PTPRG: variants seen among roughly 807,000 people sequenced by gnomAD.
PTPRG encodes receptor-type tyrosine-protein phosphatase gamma.
PTPRG carries 102 observed loss-of-function variants against 165.3 expected under a neutral mutation model. That is an observed-to-expected ratio of 0.62 (90% CI 0.53 to 0.73). The LOEUF (loss-of-function observed/expected upper bound fraction) is 0.73. Ranked by LOEUF, PTPRG falls within the 30% of genes least tolerant of loss-of-function variation. The pLI is 0.00. For missense variants in PTPRG, 1,866 were observed against 1,861.4 expected, an observed-to-expected ratio of 1.00 and a Z score of -0.05; for synonymous variants, 675 against 669.5, an observed-to-expected ratio of 1.01 and a Z score of -0.13.
intron 2 of PTPRG, among the ~76,000 whole-genome samples, chr3:61,918,070 A>G (rs1444880056): frequency 6.6e-6 from 1 of 152,210 alleles, no homozygotes; most frequent in East Asian, 1.9e-4. Context: ...CAGTTTATAG[A>G]ACTCTTGAAT....
chr3:62,194,915 G>A (rs1699922584), intron 9 of PTPRG, 147 bp from the exon 10 acceptor site: 5 of 701,566 alleles, frequency 7.1e-6, no homozygotes, highest in East Asian at 5.3e-5. Context: ...GGGTCCAAGC[G>A]GTCTTTCCTT....
At chr3:61,935,108 G>A (rs1344500405) in intron 2 of PTPRG, among the ~76,000 whole-genome samples, 5 of 151,802 alleles carry the variant, frequency 3.3e-5, no homozygotes, top group South Asian at 2.1e-4. Context: ...GAGCTGCCAC[G>A]TGCAGCCCCC....
chr3:61,800,195 G>T (rs2035189939), intron 2 of PTPRG, among the ~76,000 whole-genome samples: 1 of 152,160 alleles, frequency 6.6e-6, no homozygotes, highest in South Asian at 2.1e-4. Flanking sequence ...GATGGTGACA[G>T]ATATATTACT....
At chr3:61,898,589 G>A (rs2038421085) in intron 2 of PTPRG, among the ~76,000 whole-genome samples, 2 of 152,148 alleles carry the variant, frequency 1.3e-5, no homozygotes, top group African/African-American at 4.8e-5. Flanking sequence ...TTTGGCAGTT[G>A]AAATAGGCAT....
chr3:61,738,980 T>A (rs2032875777), intron 1 of PTPRG: 1 of 76,450 alleles, frequency 1.3e-5, no homozygotes, highest in African/African-American at 6.2e-5. Flanking sequence ...GCTTTTTTTT[T>A]TTTTTTTTTT....
chr3:61,782,712 C>A (rs2034580691), intron 2 of PTPRG, among the ~76,000 whole-genome samples: 1 of 152,170 alleles, frequency 6.6e-6, no homozygotes, highest in African/African-American at 2.4e-5. Flanking sequence ...CATTTTAGAA[C>A]CCTTCGTTTT....
At chr3:62,170,492 G>GA (rs1263619618) in intron 8 of PTPRG, among the ~76,000 whole-genome samples, 1 of 152,138 alleles carries the variant, frequency 6.6e-6, no homozygotes, top group African/African-American at 2.4e-5. Flanking sequence ...GCTGTACAGA[G>GA]AAAATGCATG....
intron 5 of PTPRG, among the ~76,000 whole-genome samples, chr3:62,083,746 G>T (rs1701656624): frequency 6.6e-6 from 1 of 152,172 alleles, no homozygotes; most frequent in Admixed American, 6.5e-5. Flanking sequence ...GGGTTCTGGT[G>T]TTTCTCCCTT....
intron 2 of PTPRG, among the ~76,000 whole-genome samples, chr3:61,797,868 A>G (rs1336051131): frequency 6.6e-6 from 1 of 152,000 alleles, no homozygotes; most frequent in Non-Finnish European, 1.5e-5. Context: ...AGAAGGAAAG[A>G]TGAAGGAGGG....
chr3:61,698,307 A>G (rs888105442), intron 1 of PTPRG, among the ~76,000 whole-genome samples: 1 of 152,060 alleles, frequency 6.6e-6, no homozygotes, highest in African/African-American at 2.4e-5. Flanking sequence ...TTTTTTCTGG[A>G]AAGGGCCACA....
intron 2 of PTPRG, among the ~76,000 whole-genome samples, chr3:61,977,779 AAATATGTT>A (rs2040543234): frequency 1.3e-5 from 2 of 152,248 alleles, no homozygotes; most frequent in Admixed American, 1.3e-4. Flanking sequence ...ATAGTGTCTT[AAATATGTT>A]TACAGAGATA....
chr3:61,884,509 A>G (rs902764039), intron 2 of PTPRG, among the ~76,000 whole-genome samples: 3 of 152,196 alleles, frequency 2.0e-5, no homozygotes, highest in Non-Finnish European at 2.9e-5. Flanking sequence ...AGAAAAGACT[A>G]TGGAAGTTCT....
At chr3:62,047,750 G>A (rs1301345706) in intron 4 of PTPRG, among the ~76,000 whole-genome samples, 1 of 152,162 alleles carries the variant, frequency 6.6e-6, no homozygotes, top group Non-Finnish European at 1.5e-5. Context: ...GCCTCAGGAT[G>A]GTAGGACCCC....
chr3:62,191,346 G>T, intron 8 of PTPRG, 123 bp from the exon 9 acceptor site: 1 of 764,442 alleles, frequency 1.3e-6, no homozygotes. Flanking sequence ...GGACCCAGGA[G>T]AAGGGAGCAT....
intron 2 of PTPRG, among the ~76,000 whole-genome samples, chr3:61,986,649 A>T (rs775652393): frequency 1.3e-5 from 2 of 152,076 alleles, no homozygotes. Context: ...TGTGTTTTCT[A>T]CCCCGCCCTT....
intron 2 of PTPRG, among the ~76,000 whole-genome samples, chr3:61,861,632 C>T (rs1283023701): frequency 3.3e-5 from 5 of 152,190 alleles, no homozygotes; most frequent in Non-Finnish European, 7.3e-5. Flanking sequence ...GAGCCCAGAT[C>T]AGTCACAATA....
intron 4 of PTPRG, among the ~76,000 whole-genome samples, chr3:62,022,995 A>AATACATTC (rs2041732638): frequency 6.6e-6 from 1 of 152,146 alleles, no homozygotes; most frequent in African/African-American, 2.4e-5. Context: ...CAATATAATT[A>AATACATTC]ATACATTCAA....
chr3:62,192,832 C>T (rs1285889809), intron 9 of PTPRG, among the ~76,000 whole-genome samples: 1 of 152,176 alleles, frequency 6.6e-6, no homozygotes, highest in Non-Finnish European at 1.5e-5. Flanking sequence ...ATTGTATATG[C>T]ACATGAAAAA....
chr3:62,013,945 A>G (rs1055010449), intron 4 of PTPRG, among the ~76,000 whole-genome samples: 2 of 152,152 alleles, frequency 1.3e-5, no homozygotes, highest in Non-Finnish European at 1.5e-5. Context: ...GAAGGTAGAG[A>G]CTTCAGGCCG....
Sources: gnomAD v4.1 joint callset for allele counts (sites outside exome capture counted in the v4.1 genomes callset) on GRCh38, gnomAD v4.1.1 for gene constraint, MANE v1.5 for transcripts, NCBI Gene and HGNC (gene_info 2026-07-23, HGNC 2026-07-21) for gene names.